The following DENND1A variants were observed in gnomAD, a reference collection of about 807,000 sequenced individuals.
DENND1A encodes DENN domain-containing protein 1A.
In DENND1A, 51 loss-of-function variants were observed where a neutral mutation model predicts 113.7. That is an observed-to-expected ratio of 0.45 (90% CI 0.36 to 0.57). The LOEUF is 0.57. Ranked by LOEUF, DENND1A falls within the 20% of genes least tolerant of loss-of-function variation. The pLI is 0.00. For synonymous variants in DENND1A, 565 were observed against 570.8 expected (o/e 0.99, Z 0.14); for missense variants, 1,258 against 1,395.9 (o/e 0.90, Z 1.57).
intron 2 of DENND1A, among the ~76,000 whole-genome samples, chr9:123,861,863 A>G (rs1845105327): frequency 6.6e-6 from 1 of 152,198 alleles, no homozygotes; most frequent in African/African-American, 2.4e-5. Flanking sequence ...AGACATTGAC[A>G]GCCAAGACCA....
intron 15 of DENND1A, 54 bp from the exon 16 acceptor site, chr9:123,454,833 G>C: frequency 6.6e-7 from 1 of 1,515,594 alleles, no homozygotes; most frequent in Non-Finnish European, 8.9e-7. Context: ...TTTGTCCTTG[G>C]GAGTCCTTAA....
intron 12 of DENND1A, among the ~76,000 whole-genome samples, chr9:123,567,280 C>G (rs1355191077): frequency 1.3e-5 from 2 of 152,214 alleles, no homozygotes; most frequent in Admixed American, 1.3e-4. Context: ...TTAATTAGGT[C>G]TAAGGCTTTT....
intron 2 of DENND1A, among the ~76,000 whole-genome samples, chr9:123,876,700 T>C (rs770398845): frequency 1.4e-4 from 21 of 152,196 alleles, no homozygotes; most frequent in Non-Finnish European, 2.9e-4. Flanking sequence ...AAACAATTCA[T>C]TCGATCCAGC....
chr9:123,778,749 C>T (rs1296239954), intron 3 of DENND1A, among the ~76,000 whole-genome samples: 4 of 152,114 alleles, frequency 2.6e-5, no homozygotes, highest in Non-Finnish European at 5.9e-5. Flanking sequence ...AGGCTATAGT[C>T]TGCCAAACCC....
chr9:123,390,991 A>G (rs2042812899), intron 21 of DENND1A, among the ~76,000 whole-genome samples: 1 of 152,262 alleles, frequency 6.6e-6, no homozygotes, highest in Non-Finnish European at 1.5e-5. Flanking sequence ...AGGAGCGAGG[A>G]ACCTCTGCGC....
rs769253329 is a variant in DENND1A at position 123,913,712 on chromosome 9, C to A, written c.17+16177G>T. Reference sequence around the variant, plus strand: ...CCTGAGGTCAGGAGTTCGAGACTAGCCTGACCAACATAGAGAAACCCCGTC... The same window carrying A: ...CCTGAGGTCAGGAGTTCGAGACTAGACTGACCAACATAGAGAAACCCCGTC... On this transcript the variant is annotated intron_variant, in intron 1 of 23. Transcript: ENST00000394215. Among the ~76,000 whole-genome samples, 20 of 151,782 alleles carry A rather than the reference C, an allele frequency of 1.3e-4. 1 individual carries two copies. Among genetic ancestry groups the A allele is most frequent in the Non-Finnish European group, 2.6e-4 (18 of 67,926 alleles).
At chr9:123,804,810 T>C (rs576001177) in intron 2 of DENND1A, among the ~76,000 whole-genome samples, 6 of 152,248 alleles carry the variant, frequency 3.9e-5, no homozygotes, top group Non-Finnish European at 7.3e-5. Flanking sequence ...ACCATCATTT[T>C]CCACCTGGAT....
intron 2 of DENND1A, among the ~76,000 whole-genome samples, chr9:123,834,713 G>A (rs928125002): frequency 3.3e-5 from 5 of 152,108 alleles, no homozygotes; most frequent in African/African-American, 7.2e-5. Context: ...AATGATAGAC[G>A]AGCAAGCCAA....
intron 1 of DENND1A, among the ~76,000 whole-genome samples, chr9:123,911,551 TACA>T (rs1168000845): frequency 1.4e-4 from 22 of 152,088 alleles, no homozygotes; most frequent in African/African-American, 4.6e-4. Context: ...TACAATTACA[TACA>T]ACAACACAGA....
intron 8 of DENND1A, among the ~76,000 whole-genome samples, chr9:123,653,291 C>T (rs765593058): frequency 6.6e-6 from 1 of 152,174 alleles, no homozygotes; most frequent in African/African-American, 2.4e-5. Context: ...ATACTAACTA[C>T]CTATCAAGTG....
intron 1 of DENND1A, among the ~76,000 whole-genome samples, chr9:123,892,092 G>C (rs1178200639): frequency 1.3e-5 from 2 of 152,156 alleles, no homozygotes; most frequent in Admixed American, 6.5e-5. Context: ...CCAGAGATCT[G>C]CAAGAGCCCC....
chr9:123,765,255 A>G (rs1001457109), intron 4 of DENND1A, among the ~76,000 whole-genome samples: 68 of 152,156 alleles, frequency 4.5e-4, no homozygotes, highest in African/African-American at 1.6e-3. Context: ...CAGACAAATG[A>G]GGGTTCTGCA....
chr9:123,391,051 T>C (rs1250217553), intron 21 of DENND1A, among the ~76,000 whole-genome samples: 1 of 152,234 alleles, frequency 6.6e-6, no homozygotes, highest in African/African-American at 2.4e-5. Flanking sequence ...TTCAGGCCAC[T>C]GTCACAATCC....
At chr9:123,758,143 C>T (rs922625227) in intron 4 of DENND1A, among the ~76,000 whole-genome samples, 3 of 152,086 alleles carry the variant, frequency 2.0e-5, no homozygotes, top group Admixed American at 2.0e-4. Flanking sequence ...CCTCATTTTG[C>T]TGATGAAGAA....
chr9:123,507,893 TA>T (rs2053109487), intron 13 of DENND1A, among the ~76,000 whole-genome samples: 1 of 152,248 alleles, frequency 6.6e-6, no homozygotes, highest in Admixed American at 6.5e-5. Context: ...TTCAGAGAGT[TA>T]AAAGACAGTT....
intron 2 of DENND1A, among the ~76,000 whole-genome samples, chr9:123,799,766 T>C (rs1237175361): frequency 1.3e-5 from 2 of 152,166 alleles, no homozygotes; most frequent in African/African-American, 4.8e-5. Flanking sequence ...TAGAACAAAA[T>C]GAACTCATTA....
At chr9:123,435,020 A>C (rs1057072167) in intron 19 of DENND1A, among the ~76,000 whole-genome samples, 6 of 152,136 alleles carry the variant, frequency 3.9e-5, no homozygotes, top group African/African-American at 1.4e-4. Context: ...GGGGAGAAGG[A>C]GGGCGGAGCC....
chr9:123,722,571 G>A (rs186111814), intron 5 of DENND1A, among the ~76,000 whole-genome samples: 12 of 152,184 alleles, frequency 7.9e-5, no homozygotes, highest in Non-Finnish European at 1.6e-4. Context: ...CCTCTACTGG[G>A]TGCAGTCTAG....
intron 2 of DENND1A, among the ~76,000 whole-genome samples, chr9:123,878,499 A>G (rs1359042946): frequency 6.6e-6 from 1 of 152,230 alleles, no homozygotes; most frequent in Non-Finnish European, 1.5e-5. Flanking sequence ...TTCTTTTGCC[A>G]GCAGACATAA....
Sources: gnomAD v4.1 joint callset for allele counts (sites outside exome capture counted in the v4.1 genomes callset) on GRCh38, gnomAD v4.1.1 for gene constraint, MANE v1.5 for transcripts, NCBI Gene and HGNC (gene_info 2026-07-23, HGNC 2026-07-21) for gene names.